GOLGA8M: variants seen among roughly 807,000 people sequenced by gnomAD.
GOLGA8M encodes the protein golgin A8 family member M.
A neutral mutation model predicts 87.7 loss-of-function variants in GOLGA8M; 34 were observed. That is an observed-to-expected ratio of 0.39 (90% CI 0.29 to 0.52). The LOEUF (loss-of-function observed/expected upper bound fraction) is 0.52. Ranked by LOEUF, GOLGA8M falls within the 20% of genes least tolerant of loss-of-function variation. The pLI is 0.80. For missense variants in GOLGA8M, 396 were observed against 682.2 expected (o/e 0.58, Z 4.67); for synonymous variants, 138 against 250.2 (o/e 0.55, Z 4.23).
At chr15:28,711,891 C>T (rs1309292943) in intron 1 of GOLGA8M, 6 of 984,966 alleles carry the variant, frequency 6.1e-6, no homozygotes, top group Admixed American at 1.2e-4. Context: ...GCAGAGTCTG[C>T]AGCAGGGAGC....
At chr15:28,713,229 T>C (rs1238478157), upstream of GOLGA8M, among the ~76,000 whole-genome samples, 1 of 151,040 alleles carries the variant, frequency 6.6e-6, no homozygotes, top group Non-Finnish European at 1.5e-5. Flanking sequence ...CTCAGCTACT[T>C]GGGAGGCTGA....
chr15:28,710,310 G>A (rs983661830), intron 2 of GOLGA8M, among the ~76,000 whole-genome samples, 177 bp downstream of exon 2: 6 of 152,118 alleles, frequency 3.9e-5, no homozygotes, highest in South Asian at 2.1e-4. Context: ...ATCTCCTGAC[G>A]TCATGATCCG....
At position 28,699,557 on chromosome 15, in the gene GOLGA8M, AGACT is replaced by A. The variant is rs1353531891; in HGVS notation, c.*2393_*2396del. ...AGTCAATATAGTAAATTTATTTTCC[AGACT>A]GACCTTCAGCTTAAATATGCCAGTG... On this transcript the variant is annotated 3_prime_UTR_variant, in exon 19 of 19. Transcript: ENST00000563027. Among the ~76,000 whole-genome samples, 5 of 141,740 alleles carry A rather than the reference AGACT, an allele frequency of 3.5e-5. No individual in the cohort carries two copies. Among genetic ancestry groups the A allele is most frequent in the Non-Finnish European group, 5.9e-5 (4 of 67,466 alleles). The allele number at this position is 141,740 out of a possible 152,430, so 93.0% of individuals were successfully genotyped here.
upstream of GOLGA8M, among the ~76,000 whole-genome samples, chr15:28,713,209 C>T (rs1160578945): frequency 2.0e-5 from 3 of 150,892 alleles, 1 homozygote; most frequent in South Asian, 4.2e-4. Flanking sequence ...TGGTGGCAGG[C>T]AGCTGTAGTC....
chr15:28,702,515 G>C lies in GOLGA8M; in HGVS notation c.1517C>G (p.Ala506Gly). The change falls in exon 17 of 19, where the codon GCG becomes GGG. Residue 506 changes from alanine to glycine, a missense_variant. By Grantham distance (60) the Ala-to-Gly change is moderately conservative (BLOSUM62 0). Around this residue, in one of 12 missense-constraint regions of GOLGA8M, gnomAD observed 173 missense variants for 150.2 expected, o/e 1.15. Coordinates refer to ENST00000563027, the MANE Select transcript of GOLGA8M (RefSeq NM_001282468.3). Reference sequence around the variant, plus strand: ...CTGATGGTGTCCTCCTCCCAGTGCCGCATCTTTGGCACGGCCCCCTGGTTC... The same window carrying C: ...CTGATGGTGTCCTCCTCCCAGTGCCCCATCTTTGGCACGGCCCCCTGGTTC... ...LSEPGGRAKD[A>G]ALGGGHHQAG... 3 of 1,595,536 alleles carry C rather than the reference G, an allele frequency of 1.9e-6. No homozygotes were observed. The highest frequency in any genetic ancestry group is 2.5e-6 in the Non-Finnish European group (3 of 1,179,024).
rs190451942 is a variant in GOLGA8M at position 28,704,049 on chromosome 15, C to G, written c.1201-132G>C. 766 of 1,541,512 alleles carry G rather than the reference C, an allele frequency of 5.0e-4. 97 individuals are homozygous for G. The Admixed American group carries it at 0.015, about 30-fold the overall frequency. On this transcript the variant is annotated intron_variant, in intron 13 of 18. Coordinates refer to ENST00000563027, the MANE Select transcript of GOLGA8M (RefSeq NM_001282468.3). ...GGCCATATCGGCCACCGCTTTGCCT[C>G]AAGCTTCCTGCTACTGCAGCTGGTT...
rs189896390 is a variant in GOLGA8M at position 28,711,690 on chromosome 15, G to A, written c.48+586C>T. 1.8e-3 allele frequency: 1,791 copies of A among 981,562 alleles called. 18 individuals carry two copies. In the African/African-American group the frequency reaches 0.026, roughly 14 times the overall value. The allele number at this position is 981,562 out of a possible 1,614,324, so 60.8% of individuals were successfully genotyped here. ...GATCAAAGGCCAGTCTTGCAGTAACGGCAGTTACTAGGTGGGCTGTGACAT... is the reference window on the plus strand; with the variant it reads ...GATCAAAGGCCAGTCTTGCAGTAACAGCAGTTACTAGGTGGGCTGTGACAT... On this transcript the variant is annotated intron_variant, in intron 1 of 18. Transcript: ENST00000563027.
rs1453708951 is a variant in GOLGA8M at position 28,708,126 on chromosome 15, C to A, written c.396G>T (p.Glu132Asp). Residue 132 changes from glutamate to aspartate, a missense_variant and splice_region_variant, in exon 6 of 19, where the codon GAG becomes GAT. By Grantham distance (45) the Glu-to-Asp change is conservative. Coordinates refer to ENST00000563027, the MANE Select transcript of GOLGA8M (RefSeq NM_001282468.3). ...AGGAAACTGCACACCCTCCACTCAC[C>A]TCTAGCACCCTTTTGGCTTTCTGTT... ...NKKQKAKRVL[E>D]VQLQTLNIQK... 4.4e-6 allele frequency: 7 copies of A among 1,597,786 alleles called. No individual in the cohort carries two copies. The African/African-American group carries it at 8.0e-5, about 18-fold the overall frequency.
Position 28,700,762 on chromosome 15 carries a change from T to C in GOLGA8M, c.*1192A>G, listed in dbSNP as rs2079766281. Among the ~76,000 whole-genome samples, 1 of 152,008 alleles carries C rather than the reference T, an allele frequency of 6.6e-6. No individual in the cohort carries two copies. The highest frequency in any genetic ancestry group is 6.6e-5 in the Admixed American group (1 of 15,250). On this transcript the variant is annotated 3_prime_UTR_variant, in exon 19 of 19. Transcript: ENST00000563027. ...AATTCCTATGTCAGAGTAACCAAGG[T>C]GGTTGAAGAATAGGTATTAGCCAAA...
At position 28,702,741 on chromosome 15, in the gene GOLGA8M, C is replaced by T. The variant is rs773966933; in HGVS notation, c.1373G>A (p.Ser458Asn). The T allele has an allele frequency of 1.2e-6, 2 of 1,600,318 alleles. No homozygotes were observed. The highest frequency in any genetic ancestry group is 1.7e-6 in the Non-Finnish European group (2 of 1,179,706). The change falls in exon 16 of 19, where the codon AGC becomes AAC. Residue 458 changes from serine (S) to asparagine (N), a missense_variant. Around this residue, in one of 12 missense-constraint regions of GOLGA8M, gnomAD observed 173 missense variants for 150.2 expected, o/e 1.15. Transcript: ENST00000563027. ...EDPESREAMS[S>N]FMDHLEEKAD... ...CTTCTCCTCCAGGTGGTCCATAAAG[C>T]TGCTCTGGAGCCAAAATATTGCAGT...
rs2079839261 is a variant in GOLGA8M at position 28,702,635 on chromosome 15, T to C, written c.1469+10A>G. 1 of 1,610,094 alleles carries C rather than the reference T, an allele frequency of 6.2e-7. No homozygotes were observed. ...CAGCTCCCCCTGCCGTGCCCTGGCC[T>C]CCCACTCACTGATGGCATCTCTCTT... is the stretch of plus-strand genomic sequence containing the variant. On this transcript the variant is annotated intron_variant, in intron 16 of 18. Coordinates refer to ENST00000563027, the MANE Select transcript of GOLGA8M (RefSeq NM_001282468.3).
At position 28,702,468 on chromosome 15, in the gene GOLGA8M, C is replaced by T. The variant is rs1173908859; in HGVS notation, c.1564G>A (p.Glu522Lys). The change falls in exon 17 of 19, where the codon GAA becomes AAA. Residue 522 changes from glutamate to lysine, a missense_variant. By Grantham distance (56) the Glu-to-Lys change is moderately conservative (BLOSUM62 1). Transcript: ENST00000563027. ...HHQAGAQGGD[E>K]GEAAGAAADG... The stretch of plus-strand genomic sequence containing the variant: ...ACAGAGATGTTGCACACCCTACCTT[C>T]ATCTCCTCCCTGAGCTCCAGCCTGA... 1 of 1,379,000 alleles carries T rather than the reference C, an allele frequency of 7.3e-7. No individual in the cohort carries two copies. The highest frequency in any genetic ancestry group is 9.6e-7 in the Non-Finnish European group (1 of 1,037,774). 85.4% of individuals were successfully genotyped at this position (1,379,000 alleles called of 1,614,324 possible). A position where few individuals can be genotyped will look rare whatever the true frequency, so the allele number is the denominator to read the frequency against.
In GOLGA8M at chr15:28,698,632, G is replaced by T. The variant is rs907922384; in HGVS notation, c.*3322C>A. Reference sequence around the variant, plus strand: ...TTATTTTGGTTTTTAATAAACACTTGCATAGTTATATTACAACTTTGTAAA... The same window carrying T: ...TTATTTTGGTTTTTAATAAACACTTTCATAGTTATATTACAACTTTGTAAA... On this transcript the variant is annotated 3_prime_UTR_variant, in exon 19 of 19. Coordinates refer to ENST00000563027, the MANE Select transcript of GOLGA8M (RefSeq NM_001282468.3). 8.9e-5 allele frequency among the ~76,000 whole-genome samples: 13 copies of T among 146,520 alleles called. 1 individual carries two copies. Among genetic ancestry groups the T allele is most frequent in the Non-Finnish European group, 7.4e-5 (5 of 67,670 alleles).
rs3894970 is a variant in GOLGA8M at position 28,708,757 on chromosome 15, A to G, written c.310-344T>C. The stretch of plus-strand genomic sequence containing the variant: ...ATAAACATTTACTGAGCATGTATGG[A>G]CCAGGTACGGTTCTTTACAGCAGAT... On this transcript the variant is annotated intron_variant, in intron 4 of 18. Transcript: ENST00000563027. Among the ~76,000 whole-genome samples, 38 of 152,050 alleles carry G rather than the reference A, an allele frequency of 2.5e-4. 2 individuals carry two copies. The highest frequency in any genetic ancestry group is 5.9e-5 in the Non-Finnish European group (4 of 68,020).
chr15:28,707,183 G>A (rs1219794886), intron 8 of GOLGA8M, among the ~76,000 whole-genome samples: 11 of 135,826 alleles, frequency 8.1e-5, no homozygotes, highest in Non-Finnish European at 1.5e-4. Flanking sequence ...GGGGATGGGG[G>A]CACAGATAGG....
rs754747118 is a variant in GOLGA8M, at chr15:28,712,369, C to T, written c.-46G>A. The stretch of plus-strand genomic sequence containing the variant: ...AGGGTTGGGGCCACAGCAGCAAAAT[C>T]GCAATGAGAACCGATCAAGGCCTCC... On this transcript the variant is annotated 5_prime_UTR_variant, in exon 1 of 19. Transcript: ENST00000563027. 2 of 1,461,860 alleles carry T rather than the reference C, an allele frequency of 1.4e-6. No individual in the cohort carries two copies. Among genetic ancestry groups the T allele is most frequent in the African/African-American group, 1.4e-5 (1 of 70,480 alleles). 90.6% of individuals were successfully genotyped at this position (1,461,860 alleles called of 1,614,324 possible).
intron 4 of GOLGA8M, among the ~76,000 whole-genome samples, chr15:28,708,699 G>C (rs1035232647): frequency 6.6e-6 from 1 of 151,722 alleles, no homozygotes; most frequent in Non-Finnish European, 1.5e-5. Flanking sequence ...CCTCCTTCTG[G>C]CAGCTTGTGA....
At position 28,699,274 on chromosome 15, in the gene GOLGA8M, A is replaced by C. The variant is rs1452343946; in HGVS notation, c.*2680T>G. 1.4e-4 allele frequency among the ~76,000 whole-genome samples: 21 copies of C among 147,070 alleles called. 1 individual carries two copies. In the East Asian group the frequency reaches 1.6e-3, roughly 11 times the overall value. On this transcript the variant is annotated 3_prime_UTR_variant, in exon 19 of 19. Coordinates refer to ENST00000563027, the MANE Select transcript of GOLGA8M (RefSeq NM_001282468.3). Reference sequence around the variant, plus strand: ...TAGGTATTTTGATTCTTCCTACAGAAATTAAAATGTATTCAGTGGAACTCA... The same window carrying C: ...TAGGTATTTTGATTCTTCCTACAGACATTAAAATGTATTCAGTGGAACTCA...
At chr15:28,704,059 G>A (rs1314284179) in intron 13 of GOLGA8M, 142 bp from the exon 14 acceptor site, 104 of 1,536,078 alleles carry the variant, frequency 6.8e-5, no homozygotes, top group South Asian at 8.3e-5. Context: ...CAAGCTTCCT[G>A]CTACTGCAGC....
Sources: allele counts gnomAD v4.1 joint callset (sites outside exome capture counted in the v4.1 genomes callset), GRCh38; gene constraint gnomAD v4.1.1; regional missense constraint gnomAD v4.1.1; transcripts MANE v1.5; gene names NCBI Gene and HGNC (gene_info 2026-07-23, HGNC 2026-07-21).